PSD3: variants seen among roughly 807,000 people sequenced by gnomAD.
PSD3 encodes the protein pleckstrin and Sec7 domain containing 3.
A neutral mutation model predicts 105.5 loss-of-function variants in PSD3; 49 were observed. The observed-to-expected ratio is 0.46, with a 90% CI of 0.37 to 0.59. The LOEUF (loss-of-function observed/expected upper bound fraction) is 0.59, where lower values mean the gene tolerates loss of function less well. PSD3 is among the 20% of genes least tolerant of loss of function. The probability of loss-of-function intolerance (pLI) is 0.00; values close to 1 mark genes in which losing one functional copy is unlikely to be tolerated. For synonymous variants in PSD3, 557 were observed against 457.8 expected (o/e 1.22, Z -2.77); for missense variants, 1,561 against 1,263.8 (o/e 1.24, Z -3.57).
intron 9 of PSD3, among the ~76,000 whole-genome samples, chr8:18,740,846 C>T (rs1315660587): frequency 6.6e-6 from 1 of 152,160 alleles, no homozygotes; most frequent in East Asian, 1.9e-4. Context: ...GCTGACTTCA[C>T]TTCCCCTACC....
chr8:19,025,717 G>A lies in PSD3; in HGVS notation c.324+58489C>T, dbSNP rs374625972. On this transcript the variant is annotated intron_variant, in intron 1 of 1. Transcript: ENST00000521475. The stretch of plus-strand genomic sequence containing the variant: ...AAAGTCTTGTGGGATTTTAACTTGC[G>A]GGTATGACGCAAATTCCAGGTAGAT... Among the ~76,000 whole-genome samples, 13 of 152,296 alleles carry A rather than the reference G, an allele frequency of 8.5e-5. No homozygotes were observed. The South Asian group carries it at 2.1e-3, about 24-fold the overall frequency.
chr8:18,549,703 C>G (rs781299888), intron 15 of PSD3, among the ~76,000 whole-genome samples: 1 of 152,228 alleles, frequency 6.6e-6, no homozygotes, highest in Non-Finnish European at 1.5e-5. Flanking sequence ...TTAAATGTAG[C>G]TGCTAGAAAA....
intron 11 of PSD3, among the ~76,000 whole-genome samples, chr8:18,608,642 G>A (rs981304917): frequency 6.6e-6 from 1 of 152,130 alleles, no homozygotes; most frequent in African/African-American, 2.4e-5. Context: ...ACTGATTTTT[G>A]TAAAAGTGAA....
chr8:19,031,985 G>A (rs999607310), intron 1 of PSD3, among the ~76,000 whole-genome samples: 1 of 152,004 alleles, frequency 6.6e-6, no homozygotes, highest in Non-Finnish European at 1.5e-5. Flanking sequence ...CTTCTATTTT[G>A]GAGAAATGAT....
intron 1 of PSD3, among the ~76,000 whole-genome samples, chr8:19,056,122 T>A (rs1828702140): frequency 6.6e-6 from 1 of 152,246 alleles, no homozygotes; most frequent in South Asian, 2.1e-4. Flanking sequence ...TGCGATCACT[T>A]GCAGTAACGT....
intron 15 of PSD3, among the ~76,000 whole-genome samples, chr8:18,546,399 G>C (rs1420267690): frequency 2.0e-5 from 3 of 152,178 alleles, no homozygotes; most frequent in African/African-American, 7.2e-5. Context: ...TTTTGAGCTT[G>C]TCTTGGTAAA....
intron 2 of PSD3, among the ~76,000 whole-genome samples, chr8:18,920,402 A>C (rs1249836673): frequency 6.6e-6 from 1 of 152,204 alleles, no homozygotes; most frequent in South Asian, 2.1e-4. Flanking sequence ...GCTTGTACCT[A>C]AAGGAGAATC....
At chr8:18,778,158 A>C (rs1808272089) in intron 8 of PSD3, among the ~76,000 whole-genome samples, 1 of 152,176 alleles carries the variant, frequency 6.6e-6, no homozygotes, top group South Asian at 2.1e-4. Context: ...AAAACATAGT[A>C]GTGGGGTTGC....
chr8:18,985,181 G>A (rs535919024), intron 1 of PSD3, among the ~76,000 whole-genome samples: 92 of 152,248 alleles, frequency 6.0e-4, no homozygotes, highest in Non-Finnish European at 9.6e-4. Context: ...TGATCTGCCC[G>A]CCTTGACCTC....
chr8:18,771,709 T>C (rs576834354), intron 8 of PSD3, among the ~76,000 whole-genome samples: 1 of 152,222 alleles, frequency 6.6e-6, no homozygotes, highest in Non-Finnish European at 1.5e-5. Flanking sequence ...GCTGTTGAGC[T>C]TTATATCAGC....
intron 2 of PSD3, among the ~76,000 whole-genome samples, chr8:18,918,138 T>C (rs1820744887): frequency 6.6e-6 from 1 of 152,182 alleles, no homozygotes; most frequent in Admixed American, 6.5e-5. Context: ...CGTAAGACCA[T>C]TCATAACCTA....
At chr8:18,922,895 T>C (rs1821123389) in intron 2 of PSD3, among the ~76,000 whole-genome samples, 1 of 152,204 alleles carries the variant, frequency 6.6e-6, no homozygotes, top group South Asian at 2.1e-4. Context: ...ATGCCCTCTC[T>C]GGACACACCG....
rs138866848 is a variant in PSD3, at chr8:18,933,566, C to T, written c.130+2468G>A. Among the ~76,000 whole-genome samples the T allele has an allele frequency of 8.7e-3, 1,321 of 152,290 alleles. 28 individuals are homozygous for T. The highest frequency in any genetic ancestry group is 0.031 in the African/African-American group (1,268 of 41,556). On this transcript the variant is annotated intron_variant, in intron 2 of 15. Transcript: ENST00000327040. Reference sequence around the variant, plus strand: ...CACTGCAACTTCTGCCTCCTGGGCTCAAACGATTCTCGTGCCTCAGCCTCC... The same window carrying T: ...CACTGCAACTTCTGCCTCCTGGGCTTAAACGATTCTCGTGCCTCAGCCTCC...
intron 15 of PSD3, among the ~76,000 whole-genome samples, chr8:18,554,407 T>G (rs376719668): frequency 5.9e-5 from 9 of 152,366 alleles, no homozygotes; most frequent in African/African-American, 2.2e-4. Context: ...TTTTATTTTT[T>G]CAAGCATTTT....
intron 4 of PSD3, among the ~76,000 whole-genome samples, chr8:18,812,376 T>G (rs1811772869): frequency 6.6e-6 from 1 of 152,218 alleles, no homozygotes; most frequent in South Asian, 2.1e-4. Context: ...TTACTCCTAG[T>G]GAAATGGTTA....
chr8:18,782,076 T>C lies in PSD3; in HGVS notation c.2083-16538A>G, dbSNP rs534099338. Among the ~76,000 whole-genome samples the C allele has an allele frequency of 1.8e-4, 28 of 152,280 alleles. No individual in the cohort carries two copies. In the South Asian group the frequency reaches 4.1e-3, roughly 23 times the overall value. ...ATCTTTGTTGAATTTCTCATACAGA[T>C]GGTGAAATGTTTCTTTGCATTGTTC... is the stretch of plus-strand genomic sequence containing the variant. On this transcript the variant is annotated intron_variant, in intron 8 of 15. Coordinates refer to ENST00000327040, the MANE Select transcript of PSD3 (RefSeq NM_015310.4).
intron 4 of PSD3, among the ~76,000 whole-genome samples, chr8:18,854,551 A>C (rs1280416097): frequency 6.6e-6 from 1 of 152,252 alleles, no homozygotes; most frequent in Non-Finnish European, 1.5e-5. Flanking sequence ...AGCATCGTTC[A>C]AAACAAAGTA....
chr8:18,567,366 G>C (rs1488773571), intron 14 of PSD3, among the ~76,000 whole-genome samples: 1 of 151,944 alleles, frequency 6.6e-6, no homozygotes, highest in Non-Finnish European at 1.5e-5. Context: ...GTGGTATGCT[G>C]CTTATGTTAA....
rs149044234 is a variant in PSD3 at position 18,841,001 on chromosome 8, T to G, written c.1634+26673A>C. On this transcript the variant is annotated intron_variant, in intron 4 of 15. Transcript: ENST00000327040. ...TTCTACTACAGTCTACTACACTTGGTAAGGTTATTAGAATATCATGCTCTA... is the reference window on the plus strand; with the variant it reads ...TTCTACTACAGTCTACTACACTTGGGAAGGTTATTAGAATATCATGCTCTA... Among the ~76,000 whole-genome samples the G allele has an allele frequency of 2.0e-3, 302 of 152,308 alleles. 4 individuals are homozygous for G. The highest frequency in any genetic ancestry group is 7.0e-3 in the African/African-American group (291 of 41,556).
Sources: gnomAD v4.1 joint callset for allele counts (sites outside exome capture counted in the v4.1 genomes callset) on GRCh38, gnomAD v4.1.1 for gene constraint, MANE v1.5 for transcripts, NCBI Gene and HGNC (gene_info 2026-07-23, HGNC 2026-07-21) for gene names.